Variants in DIPK2B observed in about 807,000 individuals in gnomAD.
DIPK2B encodes divergent protein kinase domain 2B.
In DIPK2B, 15 loss-of-function variants were observed where a neutral mutation model predicts 22.2. That is an observed-to-expected ratio of 0.68 (90% CI 0.45 to 1.04). DIPK2B has a LOEUF of 1.04. DIPK2B is among the 50% of genes least tolerant of loss of function. The probability of loss-of-function intolerance (pLI) is 0.00; values close to 1 mark genes in which losing one functional copy is unlikely to be tolerated. For missense variants in DIPK2B, 345 were observed against 348.3 expected (o/e 0.99, Z 0.08); for synonymous variants, 163 against 153.2 (o/e 1.06, Z -0.47).
At chrX:45,192,364 A>G (rs951122702) in intron 1 of DIPK2B, among the ~76,000 whole-genome samples, 1 of 111,092 alleles carries the variant, frequency 9.0e-6, no homozygotes, top group Non-Finnish European at 1.9e-5. Flanking sequence ...TTTCCACTTT[A>G]CAAGGGTGGA....
intron 1 of DIPK2B, among the ~76,000 whole-genome samples, chrX:45,193,552 AG>A (rs2047223221): frequency 8.9e-6 from 1 of 112,070 alleles, no homozygotes; most frequent in South Asian, 3.7e-4. Context: ...GGACCTGTCC[AG>A]GAAACTGGAC....
intron 2 of DIPK2B, among the ~76,000 whole-genome samples, chrX:45,185,653 C>CTTTTTTTTTTTT (rs147218566): frequency 1.2e-5 from 1 of 86,461 alleles, no homozygotes; most frequent in Non-Finnish European, 2.2e-5. Flanking sequence ...CTTTTCTTTT[C>CTTTTTTTTTTTT]TTTTTTTTTT....
chrX:45,158,556 C>CTTT (rs200169453), intron 2 of DIPK2B, among the ~76,000 whole-genome samples: 1 of 106,526 alleles, frequency 9.4e-6, no homozygotes, highest in Non-Finnish European at 1.9e-5. Flanking sequence ...CGAACCTAGG[C>CTTT]TTTTTTTTTT....
chrX:45,191,052 G>T (rs867148005), intron 2 of DIPK2B, among the ~76,000 whole-genome samples: 1 of 112,501 alleles, frequency 8.9e-6, no homozygotes, highest in African/African-American at 3.2e-5. Context: ...GCGCAAAGGG[G>T]CTCAGCTAGA....
In DIPK2B at chrX:45,196,517, G is replaced by A. The variant is rs186480962; in HGVS notation, c.233+4077C>T. Among the ~76,000 whole-genome samples the A allele has an allele frequency of 1.1e-4, 12 of 111,614 alleles. No individual in the cohort carries two copies. The East Asian group carries it at 2.8e-3, about 26-fold the overall frequency. On this transcript the variant is annotated intron_variant, in intron 1 of 4. Transcript: ENST00000398000. ...GGCCTGACGATTTAGTTATTTTACT[G>A]TGAGCCCTCCACTGCTCAGTTGGAA...
At chrX:45,181,750 A>G (rs1014033563) in intron 2 of DIPK2B, among the ~76,000 whole-genome samples, 1 of 112,430 alleles carries the variant, frequency 8.9e-6, no homozygotes, top group South Asian at 3.7e-4. Flanking sequence ...TAAAGCTTCT[A>G]GAAGTAAACG....
chrX:45,179,094 G>A (rs1191764385), intron 2 of DIPK2B, among the ~76,000 whole-genome samples: 4 of 111,322 alleles, frequency 3.6e-5, no homozygotes, highest in Non-Finnish European at 5.6e-5. Context: ...GACAACACCT[G>A]GAAACATTTT....
intron 3 of DIPK2B, 119 bp from the exon 4 acceptor site, chrX:45,154,317 A>ATCTATCTG (rs1556394859): frequency 4.6e-5 from 23 of 503,750 alleles, no homozygotes; most frequent in South Asian, 3.4e-4. Context: ...CTATCTATCT[A>ATCTATCTG]TCTGTCTATC....
At chrX:45,177,713 TTC>T (rs2047126456) in intron 2 of DIPK2B, among the ~76,000 whole-genome samples, 3 of 111,264 alleles carry the variant, frequency 2.7e-5, no homozygotes, top group African/African-American at 9.8e-5. Context: ...TACAGGGGTT[TTC>T]TGCTTGTTAA....
intron 3 of DIPK2B, among the ~76,000 whole-genome samples, chrX:45,156,665 C>T (rs1241750906): frequency 1.8e-5 from 2 of 111,243 alleles, no homozygotes; most frequent in Admixed American, 9.5e-5. Context: ...CATCTCAGAA[C>T]TCCACTGAAT....
chrX:45,184,285 T>C (rs2047169657), intron 2 of DIPK2B, among the ~76,000 whole-genome samples: 1 of 111,749 alleles, frequency 8.9e-6, no homozygotes, highest in Admixed American at 9.5e-5. Context: ...TGGGATGAAC[T>C]TTCCAAGTAT....
rs774880293 is a variant in DIPK2B, at chrX:45,190,314, G to A, written c.498+1437C>T. On this transcript the variant is annotated intron_variant, in intron 2 of 4. Coordinates refer to ENST00000398000, the MANE Select transcript of DIPK2B (RefSeq NM_176819.4). Reference sequence around the variant, plus strand: ...AAGTTAAAGAATATCAGAGCTTGGAGGGTCTTTGAGATCATCCAGAAGCCC... The same window carrying A: ...AAGTTAAAGAATATCAGAGCTTGGAAGGTCTTTGAGATCATCCAGAAGCCC... Among the ~76,000 whole-genome samples the A allele has an allele frequency of 4.5e-5, 5 of 111,924 alleles. No individual in the cohort carries two copies. In the South Asian group the frequency reaches 1.9e-3, roughly 42 times the overall value.
chrX:45,151,897 A>T lies in DIPK2B; in HGVS notation c.1057T>A (p.Ser353Thr). 2 of 1,209,294 alleles carry T rather than the reference A, an allele frequency of 1.7e-6. No individual in the cohort carries two copies. The highest frequency in any genetic ancestry group is 2.2e-6 in the Non-Finnish European group (2 of 893,974). ...QAQLPSCESISEKQSLVLVCQ... is the reference protein window; with the variant it reads ...QAQLPSCESITEKQSLVLVCQ... The stretch of plus-strand genomic sequence containing the variant: ...ACCAGCACCAGGCTCTGCTTCTCAG[A>T]GATGCTTTCGCAGGAGGGCAGCTGG... Residue 353 changes from serine to threonine, a missense_variant, in exon 5 of 5, where the codon TCT becomes ACT. Coordinates refer to ENST00000398000, the MANE Select transcript of DIPK2B (RefSeq NM_176819.4).
chrX:45,152,885 T>A (rs773046633), intron 4 of DIPK2B, among the ~76,000 whole-genome samples: 1 of 111,681 alleles, frequency 9.0e-6, no homozygotes, highest in South Asian at 3.8e-4. Flanking sequence ...GAGCCAAGAA[T>A]GTACCACTGC....
At chrX:45,162,696 C>T (rs2047028280) in intron 2 of DIPK2B, 1 of 754,694 alleles carries the variant, frequency 1.3e-6, no homozygotes, top group Non-Finnish European at 1.6e-6. Context: ...ACAGGGCTAA[C>T]TTACCACCTC....
At chrX:45,185,471 G>A (rs944292979) in intron 2 of DIPK2B, among the ~76,000 whole-genome samples, 7 of 110,240 alleles carry the variant, frequency 6.3e-5, no homozygotes, top group Admixed American at 9.6e-5. Context: ...TTCAGGCTTC[G>A]GTTACGTTTT....
At position 45,149,035 on chromosome X, in the gene DIPK2B, G is replaced by A. The variant is rs142337257; in HGVS notation, c.*2617C>T. On this transcript the variant is annotated 3_prime_UTR_variant, in exon 5 of 5. Transcript: ENST00000398000. ...GGCGACTGGTCTGGAGGAGAGAAGG[G>A]GGCAAGTGCTTACCTTGAACCCGTG... 4,248 of 111,865 alleles carry A rather than the reference G, an allele frequency of 0.038. 218 individuals are homozygous for A. The highest frequency in any genetic ancestry group is 0.13 in the African/African-American group (4,067 of 30,705). 9.2% of individuals were successfully genotyped at this position (111,865 alleles called of 1,213,427 possible). A position where few individuals can be genotyped will look rare whatever the true frequency, so the allele number is the denominator to read the frequency against.
At chrX:45,165,332 T>C in intron 2 of DIPK2B, among the ~76,000 whole-genome samples, 1 of 111,737 alleles carries the variant, frequency 8.9e-6, no homozygotes, top group East Asian at 2.8e-4. Flanking sequence ...GTGCACACTG[T>C]AATAGGGGTG....
intron 1 of DIPK2B, among the ~76,000 whole-genome samples, chrX:45,197,988 TTAAA>T (rs754864015): frequency 8.9e-6 from 1 of 112,553 alleles, no homozygotes; most frequent in Non-Finnish European, 1.9e-5. Context: ...TAAGTTATGC[TTAAA>T]TAGTTAAATA....
Sources: gnomAD v4.1 joint callset for allele counts (sites outside exome capture counted in the v4.1 genomes callset) on GRCh38, gnomAD v4.1.1 for gene constraint, MANE v1.5 for transcripts, NCBI Gene and HGNC (gene_info 2026-07-23, HGNC 2026-07-21) for gene names.